The following SMAP1 variants were observed in gnomAD, a reference collection of about 807,000 sequenced individuals.
SMAP1 encodes the protein small ArfGAP 1, also known as stromal membrane-associated protein 1.
SMAP1 carries 24 observed loss-of-function variants against 58.5 expected under a neutral mutation model. The observed-to-expected ratio is 0.41, with a 90% confidence interval of 0.30 to 0.58. The LOEUF (loss-of-function observed/expected upper bound fraction) is 0.58. Ranked by LOEUF, SMAP1 falls within the 20% of genes least tolerant of loss-of-function variation. SMAP1 has a pLI of 0.29. For synonymous variants in SMAP1, 216 were observed against 196.6 expected (o/e 1.10, Z -0.82); for missense variants, 563 against 566.3 (o/e 0.99, Z 0.06).
At position 70,859,366 on chromosome 6, in the gene SMAP1, T is replaced by A; in HGVS notation, c.1270-834T>A. On this transcript the variant is annotated intron_variant, in intron 10 of 10. Transcript: ENST00000370455. Reference sequence around the variant, plus strand: ...GGTGATGCTGTTCTCCAGCACTCCATCAGTGCAATCTACTGGCCAATGACA... The same window carrying A: ...GGTGATGCTGTTCTCCAGCACTCCAACAGTGCAATCTACTGGCCAATGACA... 4 of 1,549,534 alleles carry A rather than the reference T, an allele frequency of 2.6e-6. No homozygotes were observed. The South Asian group carries it at 4.8e-5, about 18-fold the overall frequency.
chr6:70,848,138 G>T (rs942489211), intron 7 of SMAP1, among the ~76,000 whole-genome samples: 5 of 152,152 alleles, frequency 3.3e-5, no homozygotes, highest in Admixed American at 2.0e-4. Context: ...GTGGGCCCAT[G>T]ATCAAAAGGA....
intron 1 of SMAP1, among the ~76,000 whole-genome samples, chr6:70,691,606 A>G (rs1175412017): frequency 6.6e-6 from 1 of 151,828 alleles, no homozygotes; most frequent in African/African-American, 2.4e-5. Flanking sequence ...CTCTGCACCA[A>G]CCCCCTACTC....
chr6:70,725,236 T>C (rs569279767), intron 1 of SMAP1, among the ~76,000 whole-genome samples: 2 of 150,634 alleles, frequency 1.3e-5, no homozygotes, highest in East Asian at 2.0e-4. Context: ...CCTGCCTCAG[T>C]CTCCCGAGTA....
At chr6:70,734,003 A>AT (rs11303101) in intron 2 of SMAP1, among the ~76,000 whole-genome samples, 22,781 of 149,764 alleles carry the variant, frequency 0.15, 2,882 homozygotes, top group East Asian at 0.54. Context: ...AATATATTGG[A>AT]TTTTTTTTTT....
At chr6:70,706,368 A>G (rs971114271) in intron 1 of SMAP1, among the ~76,000 whole-genome samples, 1 of 152,174 alleles carries the variant, frequency 6.6e-6, no homozygotes. Context: ...CCAGTCAACT[A>G]ACTTCTTGTT....
rs192717001 is a variant in SMAP1 at position 70,856,242 on chromosome 6, C to A, written c.790-617C>A. 1.8e-3 allele frequency among the ~76,000 whole-genome samples: 281 copies of A among 152,176 alleles called. 1 individual carries two copies. Among genetic ancestry groups the A allele is most frequent in the African/African-American group, 6.5e-3 (268 of 41,530 alleles). On this transcript the variant is annotated intron_variant, in intron 8 of 10. Coordinates refer to ENST00000370455, the MANE Select transcript of SMAP1 (RefSeq NM_001044305.3). ...GAGAATATTTTATATTAAATATCTACATGTTTATTTGTATTTGTGTTCATT... is the reference window on the plus strand; with the variant it reads ...GAGAATATTTTATATTAAATATCTAAATGTTTATTTGTATTTGTGTTCATT...
intron 2 of SMAP1, among the ~76,000 whole-genome samples, chr6:70,752,230 C>A (rs1766308915): frequency 2.0e-5 from 3 of 152,146 alleles, no homozygotes; most frequent in African/African-American, 7.2e-5. Flanking sequence ...GCCTCAGTTT[C>A]CTCTCTGTAA....
chr6:70,848,659 CA>C (rs922983164), intron 7 of SMAP1, among the ~76,000 whole-genome samples: 3 of 151,938 alleles, frequency 2.0e-5, no homozygotes, highest in East Asian at 1.9e-4. Context: ...TGCATCGGGA[CA>C]AAAATGATAA....
chr6:70,818,239 T>C (rs1400008923), intron 6 of SMAP1, among the ~76,000 whole-genome samples: 1 of 125,374 alleles, frequency 8.0e-6, no homozygotes, highest in Non-Finnish European at 1.7e-5. Context: ...ACTAAAAAAT[T>C]ACAAAAAAAA....
chr6:70,857,319 G>A (rs1358307431), intron 9 of SMAP1: 2 of 235,674 alleles, frequency 8.5e-6, no homozygotes, highest in Admixed American at 5.1e-5. Flanking sequence ...TTATTGAAAC[G>A]ATTTGCATGA....
At chr6:70,694,196 C>T (rs1767304108) in intron 1 of SMAP1, 1 of 314,258 alleles carries the variant, frequency 3.2e-6, no homozygotes, top group South Asian at 3.1e-5. Context: ...ATAACTTGAT[C>T]TACTGATGGA....
intron 1 of SMAP1, among the ~76,000 whole-genome samples, chr6:70,709,879 T>C (rs1216901276): frequency 6.6e-6 from 1 of 152,124 alleles, no homozygotes; most frequent in African/African-American, 2.4e-5. Flanking sequence ...TTTTAATCAG[T>C]GTTTTATAGT....
intron 3 of SMAP1, among the ~76,000 whole-genome samples, chr6:70,772,769 CTAA>C (rs1439362038): frequency 1.3e-5 from 2 of 152,272 alleles, no homozygotes; most frequent in East Asian, 3.9e-4. Flanking sequence ...CACTGTTCTT[CTAA>C]TACATGTGGA....
chr6:70,708,623 C>T (rs995416049), intron 1 of SMAP1, among the ~76,000 whole-genome samples: 1 of 152,138 alleles, frequency 6.6e-6, no homozygotes, highest in African/African-American at 2.4e-5. Context: ...CTTTCTAACA[C>T]TTGTTATCTC....
intron 6 of SMAP1, among the ~76,000 whole-genome samples, chr6:70,799,173 A>G (rs1437071465): frequency 6.6e-6 from 1 of 152,190 alleles, no homozygotes; most frequent in Non-Finnish European, 1.5e-5. Context: ...GAACAGCCTG[A>G]AGAATGTATG....
At chr6:70,745,195 A>G (rs939429345) in intron 2 of SMAP1, among the ~76,000 whole-genome samples, 5 of 152,138 alleles carry the variant, frequency 3.3e-5, no homozygotes, top group South Asian at 2.1e-4. Flanking sequence ...CCATTTATCA[A>G]TTTTGGCTTT....
chr6:70,826,048 T>A (rs1313354557), intron 6 of SMAP1, among the ~76,000 whole-genome samples: 3 of 152,222 alleles, frequency 2.0e-5, no homozygotes, highest in African/African-American at 7.2e-5. Flanking sequence ...AACGATAAAA[T>A]GTACTACTGC....
At position 70,697,374 on chromosome 6, in the gene SMAP1, C is replaced by T. The variant is rs759307704; in HGVS notation, c.118+29233C>T. On this transcript the variant is annotated intron_variant, in intron 1 of 10. Transcript: ENST00000370455. ...GGGCTGGAGTGCAGTGGTGCAATCT[C>T]AGCTCACTGCAACCTCCGCCTCCTA... is the stretch of plus-strand genomic sequence containing the variant. Among the ~76,000 whole-genome samples, 3 of 151,362 alleles carry T rather than the reference C, an allele frequency of 2.0e-5. No individual in the cohort carries two copies. In the South Asian group the frequency reaches 6.2e-4, roughly 32 times the overall value.
At chr6:70,805,688 T>C (rs1482892310) in intron 6 of SMAP1, among the ~76,000 whole-genome samples, 1 of 152,170 alleles carries the variant, frequency 6.6e-6, no homozygotes, top group Non-Finnish European at 1.5e-5. Flanking sequence ...GGGGTTTTGG[T>C]GTGGATGTCC....
Sources: gnomAD v4.1 joint callset for allele counts (sites outside exome capture counted in the v4.1 genomes callset) on GRCh38, gnomAD v4.1.1 for gene constraint, MANE v1.5 for transcripts, NCBI Gene and HGNC (gene_info 2026-07-23, HGNC 2026-07-21) for gene names.